PDLIM5: variants seen among roughly 807,000 people sequenced by gnomAD.
PDLIM5 encodes the protein PDZ and LIM domain protein 5.
In PDLIM5, 34 loss-of-function variants were observed where a neutral mutation model predicts 64.2. That is an observed-to-expected ratio of 0.53 (90% CI 0.40 to 0.71). The LOEUF (loss-of-function observed/expected upper bound fraction) is 0.71, where lower values mean the gene tolerates loss of function less well. Ranked by LOEUF, PDLIM5 falls within the 30% of genes least tolerant of loss-of-function variation. The pLI, the probability that PDLIM5 is intolerant of heterozygous loss-of-function variation, is 0.00. For missense variants in PDLIM5, 683 were observed against 733.6 expected (o/e 0.93, Z 0.80); for synonymous variants, 253 against 269.1 (o/e 0.94, Z 0.59).
At chr4:94,541,046 G>A (rs150168063) in intron 3 of PDLIM5, among the ~76,000 whole-genome samples, 4 of 152,240 alleles carry the variant, frequency 2.6e-5, no homozygotes, top group Non-Finnish European at 4.4e-5. Flanking sequence ...ATCTTCCTTC[G>A]TATGTCTAAA....
At chr4:94,485,837 G>A (rs1396785397) in intron 2 of PDLIM5, among the ~76,000 whole-genome samples, 2 of 133,584 alleles carry the variant, frequency 1.5e-5, no homozygotes, top group African/African-American at 2.9e-5. Flanking sequence ...GTGACAGAGT[G>A]AGACTCCGTC....
At chr4:94,595,604 CTGTTT>C (rs1025227689) in intron 7 of PDLIM5, among the ~76,000 whole-genome samples, 1 of 152,190 alleles carries the variant, frequency 6.6e-6, no homozygotes, top group African/African-American at 2.4e-5. Flanking sequence ...TCTGAACATA[CTGTTT>C]TGTAAGTTTT....
intron 2 of PDLIM5, among the ~76,000 whole-genome samples, chr4:94,514,223 C>T (rs901209733): frequency 6.6e-6 from 1 of 150,888 alleles, no homozygotes; most frequent in Admixed American, 6.6e-5. Flanking sequence ...CAAGCTCTGC[C>T]TCCTGGGTTC....
At chr4:94,575,016 C>G (rs1001252400) in intron 4 of PDLIM5, among the ~76,000 whole-genome samples, 2 of 125,036 alleles carry the variant, frequency 1.6e-5, no homozygotes, top group Non-Finnish European at 3.4e-5. Flanking sequence ...TTTTCAAATT[C>G]TTTAAGATTA....
At chr4:94,457,718 G>A (rs907035792) in intron 2 of PDLIM5, among the ~76,000 whole-genome samples, 5 of 152,202 alleles carry the variant, frequency 3.3e-5, no homozygotes, top group African/African-American at 1.2e-4. Context: ...CTGGCAGACA[G>A]TTTGAGGTAC....
rs1423738026 is a variant in PDLIM5 at position 94,667,791 on chromosome 4, A to G, written c.*3724A>G. ...ATGTTTAAAATAATCTACAACAAAA[A>G]TGTACCATTTTCAAGCAGTACTACA... On this transcript the variant is annotated 3_prime_UTR_variant, in exon 13 of 13. Coordinates refer to ENST00000317968, the MANE Select transcript of PDLIM5 (RefSeq NM_006457.5). The G allele has an allele frequency of 1.3e-5, 2 of 152,186 alleles. No individual in the cohort carries two copies. Among genetic ancestry groups the G allele is most frequent in the Non-Finnish European group, 2.9e-5 (2 of 68,028 alleles). The allele number at this position is 152,186 out of a possible 1,614,324, so 9.4% of individuals were successfully genotyped here.
At chr4:94,460,876 C>G (rs1259206279) in intron 2 of PDLIM5, among the ~76,000 whole-genome samples, 1 of 152,132 alleles carries the variant, frequency 6.6e-6, no homozygotes, top group Non-Finnish European at 1.5e-5. Context: ...AAAAAGTATA[C>G]AGGTAGATTT....
chr4:94,458,484 T>G (rs892833878), intron 2 of PDLIM5, among the ~76,000 whole-genome samples: 1 of 152,136 alleles, frequency 6.6e-6, no homozygotes, highest in African/African-American at 2.4e-5. Context: ...GTTATGGTTT[T>G]GTTTTGTTTT....
chr4:94,606,714 G>A (rs896752993), intron 7 of PDLIM5, among the ~76,000 whole-genome samples: 2 of 152,146 alleles, frequency 1.3e-5, no homozygotes, highest in African/African-American at 2.4e-5. Context: ...ACAGGGGTCA[G>A]CAAATTTTTT....
chr4:94,529,872 G>C (rs1003052738), intron 3 of PDLIM5, among the ~76,000 whole-genome samples: 1 of 152,098 alleles, frequency 6.6e-6, no homozygotes, highest in African/African-American at 2.4e-5. Flanking sequence ...AAATAACAGT[G>C]CTTATTTTTA....
intron 8 of PDLIM5, among the ~76,000 whole-genome samples, chr4:94,633,569 C>G (rs1224947109): frequency 6.6e-6 from 1 of 152,164 alleles, no homozygotes; most frequent in East Asian, 1.9e-4. Context: ...AGCAATTTCT[C>G]TAAGACGTCT....
At position 94,519,213 on chromosome 4, in the gene PDLIM5, C is replaced by T. The variant is rs569251122; in HGVS notation, c.97-4511C>T. 4.6e-5 allele frequency among the ~76,000 whole-genome samples: 7 copies of T among 152,260 alleles called. No homozygotes were observed. The South Asian group carries it at 6.2e-4, about 14-fold the overall frequency. ...GTGAAAAGCCAGAAGGAGGTCTGAC[C>T]GGTCAGTTTGAAACGCTGTCTTCTC... On this transcript the variant is annotated intron_variant, in intron 2 of 12. Transcript: ENST00000317968.
intron 11 of PDLIM5, among the ~76,000 whole-genome samples, chr4:94,661,072 A>G (rs1044790388): frequency 1.4e-4 from 21 of 152,140 alleles, no homozygotes; most frequent in African/African-American, 4.8e-4. Flanking sequence ...CAAGAGAGCG[A>G]GACTCTGTCT....
Position 94,577,432 on chromosome 4 carries a change from G to C in PDLIM5, c.710+1398G>C, listed in dbSNP as rs549988790. On this transcript the variant is annotated intron_variant, in intron 5 of 12. Coordinates refer to ENST00000317968, the MANE Select transcript of PDLIM5 (RefSeq NM_006457.5). ...AGAACAGCTCCTGGGCTGTACATAC[G>C]GTCTTGAGGTTGTGGGTGGCTTTCT... is the stretch of plus-strand genomic sequence containing the variant. The C allele has an allele frequency of 7.3e-4, 329 of 452,174 alleles. 1 individual carries two copies. Among genetic ancestry groups the C allele is most frequent in the African/African-American group, 6.0e-3 (292 of 49,058 alleles). 28.0% of individuals were successfully genotyped at this position (452,174 alleles called of 1,614,324 possible).
chr4:94,661,691 G>T (rs373754517), intron 11 of PDLIM5, among the ~76,000 whole-genome samples: 3 of 152,198 alleles, frequency 2.0e-5, no homozygotes, highest in Admixed American at 6.5e-5. Flanking sequence ...AGTCAGATAC[G>T]CTATGAAATT....
chr4:94,656,561 A>G lies in PDLIM5; in HGVS notation c.1465-866A>G, dbSNP rs541632975. On this transcript the variant is annotated intron_variant, in intron 10 of 12. Transcript: ENST00000317968. ...TATTTTTATTATATTTTATTACATT[A>G]TATACATTTATATACATTATATACA... is the stretch of plus-strand genomic sequence containing the variant. Among the ~76,000 whole-genome samples, 53 of 149,184 alleles carry G rather than the reference A, an allele frequency of 3.6e-4. No homozygotes were observed. The South Asian group carries it at 4.2e-3, about 12-fold the overall frequency.
In PDLIM5 at chr4:94,618,115, A is replaced by G. The variant is rs781750953; in HGVS notation, c.1032A>G (p.Thr344=). The G allele has an allele frequency of 1.9e-5, 30 of 1,612,696 alleles. No homozygotes were observed. The Admixed American group carries it at 3.0e-4, about 16-fold the overall frequency. ...TSGRPGVTSL[T]AAAAFKPVGS... ...GCAGACCAGGGGTTACCAGCCTCACAGCTGCAGCTGCCTTCAAGCCTGTAG... is the reference window on the plus strand; with the variant it reads ...GCAGACCAGGGGTTACCAGCCTCACGGCTGCAGCTGCCTTCAAGCCTGTAG... The change falls in exon 8 of 13, where the codon ACA becomes ACG. Residue 344 remains threonine (T), a synonymous_variant. Coordinates refer to ENST00000317968, the MANE Select transcript of PDLIM5 (RefSeq NM_006457.5).
chr4:94,622,943 ACAGG>A, intron 8 of PDLIM5, among the ~76,000 whole-genome samples: 2 of 152,198 alleles, frequency 1.3e-5, no homozygotes, highest in Middle Eastern at 6.8e-3. Context: ...TGCTGGGATT[ACAGG>A]CATAAGCCAC....
chr4:94,523,918 G>A (rs747731115), intron 3 of PDLIM5, 43 bp downstream of exon 3: 2 of 1,506,940 alleles, frequency 1.3e-6, no homozygotes, highest in Non-Finnish European at 1.8e-6. Context: ...AAACAACATT[G>A]AGGAATGTGT....
Sources: gnomAD v4.1 joint callset for allele counts (sites outside exome capture counted in the v4.1 genomes callset) on GRCh38, gnomAD v4.1.1 for gene constraint, MANE v1.5 for transcripts, NCBI Gene and HGNC (gene_info 2026-07-23, HGNC 2026-07-21) for gene names.